NRXN1: variants seen among roughly 807,000 people sequenced by gnomAD.
NRXN1 encodes the protein neurexin 1, also known as neurexin-1.
A neutral mutation model predicts 150.9 loss-of-function variants in NRXN1; 39 were observed. That is an observed-to-expected ratio of 0.26 (90% CI 0.20 to 0.34). NRXN1 has a LOEUF of 0.34. Ranked by LOEUF, NRXN1 falls within the 10% of genes least tolerant of loss-of-function variation. The pLI is 1.00. For synonymous variants in NRXN1, 924 were observed against 757.0 expected (o/e 1.22, Z -3.62); for missense variants, 1,815 against 1,949.9 (o/e 0.93, Z 1.30).
intron 9 of NRXN1, among the ~76,000 whole-genome samples, chr2:50,551,003 G>T (rs1667389583): frequency 1.4e-5 from 2 of 148,044 alleles, no homozygotes; most frequent in African/African-American, 5.0e-5. Flanking sequence ...AAATCAGAAA[G>T]AAGAGGAGGA....
rs200011573 is a variant in NRXN1 at position 50,531,445 on chromosome 2, T to C, written c.2144-15A>G. On this transcript the variant is annotated splice_polypyrimidine_tract_variant and intron_variant, in intron 10 of 22. Transcript: ENST00000401669. ...AACCGTTGCCTCTAGAGATGGAAAATGAATATGATAAGTTCTTGGATGGTA... is the reference window on the plus strand; with the variant it reads ...AACCGTTGCCTCTAGAGATGGAAAACGAATATGATAAGTTCTTGGATGGTA... 1.9e-6 allele frequency: 3 copies of C among 1,596,738 alleles called. No individual in the cohort carries two copies. The highest frequency in any genetic ancestry group is 2.2e-5 in the East Asian group (1 of 44,446).
chr2:50,109,574 C>A (rs1702109211), intron 18 of NRXN1, among the ~76,000 whole-genome samples: 1 of 150,872 alleles, frequency 6.6e-6, no homozygotes, highest in Non-Finnish European at 1.5e-5. Context: ...TAGACACTGA[C>A]ACGTTTTAAA....
chr2:50,538,186 G>T (rs992878648), intron 10 of NRXN1, 67 bp downstream of exon 10: 50 of 1,542,196 alleles, frequency 3.2e-5, no homozygotes, highest in Non-Finnish European at 4.4e-5. Flanking sequence ...GTCAGTGCAG[G>T]TTTGAGGTCA....
At chr2:50,937,813 G>C (rs868480928) in intron 2 of NRXN1, among the ~76,000 whole-genome samples, 1 of 152,076 alleles carries the variant, frequency 6.6e-6, no homozygotes, top group South Asian at 2.1e-4. Context: ...TGCTAATAAA[G>C]TCATGCATGC....
chr2:50,628,331 C>T (rs1180213643), intron 5 of NRXN1, among the ~76,000 whole-genome samples: 3 of 151,596 alleles, frequency 2.0e-5, no homozygotes, highest in Admixed American at 6.6e-5. Flanking sequence ...TGTTTAATTC[C>T]AAATTTAAGT....
At position 50,583,505 on chromosome 2, in the gene NRXN1, G is replaced by A. The variant is rs541327361; in HGVS notation, c.1321-30480C>T. Among the ~76,000 whole-genome samples, 3 of 152,216 alleles carry A rather than the reference G, an allele frequency of 2.0e-5. No individual in the cohort carries two copies. In the East Asian group the frequency reaches 5.8e-4, roughly 29 times the overall value. On this transcript the variant is annotated intron_variant, in intron 8 of 22. Coordinates refer to ENST00000401669, the MANE Select transcript of NRXN1 (RefSeq NM_001330078.2). Reference sequence around the variant, plus strand: ...GTTGCATTTGTCTCCATACCTGCCAGTTTCCACAAGGAATGTTACATTTAC... The same window carrying A: ...GTTGCATTTGTCTCCATACCTGCCAATTTCCACAAGGAATGTTACATTTAC...
intron 17 of NRXN1, among the ~76,000 whole-genome samples, chr2:50,322,506 T>C (rs760195019): frequency 3.3e-5 from 5 of 152,156 alleles, no homozygotes; most frequent in Non-Finnish European, 5.9e-5. Context: ...AGACAAGGAA[T>C]TTTTCAGGTG....
chr2:49,919,329 G>A lies in NRXN1; in HGVS notation c.*2615C>T, dbSNP rs186834667. On this transcript the variant is annotated 3_prime_UTR_variant, in exon 23 of 23. Transcript: ENST00000401669. ...GAAAAAATAATTTTTGCTAGAGTTTGTGTAAGCCAATAATATTAGAAATAA... is the reference window on the plus strand; with the variant it reads ...GAAAAAATAATTTTTGCTAGAGTTTATGTAAGCCAATAATATTAGAAATAA... The A allele has an allele frequency of 1.3e-4, 20 of 152,066 alleles. No homozygotes were observed. Among genetic ancestry groups the A allele is most frequent in the Admixed American group, 1.1e-3 (17 of 15,268 alleles). 9.4% of individuals were successfully genotyped at this position (152,066 alleles called of 1,614,324 possible). A position where few individuals can be genotyped will look rare whatever the true frequency, so the allele number is the denominator to read the frequency against.
intron 17 of NRXN1, among the ~76,000 whole-genome samples, chr2:50,341,772 G>C (rs1203211015): frequency 6.6e-6 from 1 of 152,146 alleles, no homozygotes; most frequent in Non-Finnish European, 1.5e-5. Flanking sequence ...ACTGTATAAA[G>C]AGCTCTTTCT....
intron 17 of NRXN1, among the ~76,000 whole-genome samples, chr2:50,302,778 A>AT (rs2074276334): frequency 6.6e-6 from 1 of 152,182 alleles, no homozygotes; most frequent in Non-Finnish European, 1.5e-5. Context: ...TTTGTAAGAC[A>AT]TTTAGGGTAT....
At chr2:50,993,153 A>C (rs777621759) in intron 2 of NRXN1, among the ~76,000 whole-genome samples, 1 of 151,974 alleles carries the variant, frequency 6.6e-6, no homozygotes, top group Non-Finnish European at 1.5e-5. Flanking sequence ...AAGGTAAATG[A>C]TTGTTATAGG....
intron 5 of NRXN1, among the ~76,000 whole-genome samples, chr2:50,775,290 T>C (rs1250912616): frequency 6.6e-6 from 1 of 152,092 alleles, no homozygotes; most frequent in East Asian, 1.9e-4. Flanking sequence ...CTGTGGGGCC[T>C]AAGAGGACAG....
At chr2:50,651,668 A>C (rs1431459500) in intron 5 of NRXN1, among the ~76,000 whole-genome samples, 1 of 152,044 alleles carries the variant, frequency 6.6e-6, no homozygotes, top group East Asian at 1.9e-4. Flanking sequence ...AAAAGAAAGA[A>C]AGAAAGAATG....
intron 5 of NRXN1, among the ~76,000 whole-genome samples, chr2:50,733,890 ACT>A (rs978794097): frequency 6.6e-6 from 1 of 151,776 alleles, no homozygotes; most frequent in African/African-American, 2.4e-5. Context: ...CTACCTAAAA[ACT>A]CTATTTTTTT....
chr2:50,332,911 T>C (rs2152986071), intron 17 of NRXN1, among the ~76,000 whole-genome samples: 1 of 152,278 alleles, frequency 6.6e-6, no homozygotes, highest in South Asian at 2.1e-4. Flanking sequence ...AGACAAAAAC[T>C]AATAAGCAAC....
intron 5 of NRXN1, among the ~76,000 whole-genome samples, chr2:50,701,743 C>T (rs1233532475): frequency 6.6e-6 from 1 of 152,110 alleles, no homozygotes; most frequent in Non-Finnish European, 1.5e-5. Flanking sequence ...GTTGTAAGCC[C>T]TTTAAGGATG....
At chr2:50,038,951 G>C (rs1690491252) in intron 21 of NRXN1, among the ~76,000 whole-genome samples, 1 of 152,040 alleles carries the variant, frequency 6.6e-6, no homozygotes, top group African/African-American at 2.4e-5. Context: ...AGGCAGAGGT[G>C]GGTGAATCAC....
chr2:50,926,850 ATAT>A (rs1285483635), intron 2 of NRXN1, among the ~76,000 whole-genome samples: 4 of 151,980 alleles, frequency 2.6e-5, no homozygotes, highest in African/African-American at 9.6e-5. Flanking sequence ...GTATAAACAT[ATAT>A]ATCCAAGCAG....
chr2:50,609,581 A>C (rs1163585399), intron 8 of NRXN1, among the ~76,000 whole-genome samples: 3 of 152,134 alleles, frequency 2.0e-5, no homozygotes, highest in African/African-American at 4.8e-5. Flanking sequence ...AACATCAACT[A>C]TCTTACCTCA....
Sources: gnomAD v4.1 joint callset for allele counts (sites outside exome capture counted in the v4.1 genomes callset) on GRCh38, gnomAD v4.1.1 for gene constraint, MANE v1.5 for transcripts, NCBI Gene and HGNC (gene_info 2026-07-23, HGNC 2026-07-21) for gene names.